Variants in GAB4 observed in about 807,000 individuals in gnomAD.
GAB4 encodes GRB2 associated binding protein family member 4.
Under a neutral mutation model 51.3 loss-of-function variants are expected in GAB4, and 26 were observed. The ratio of observed to expected loss-of-function variants is 0.51; its 90% CI spans 0.37 to 0.70. The LOEUF is 0.70. GAB4 is among the 30% of genes least tolerant of loss of function. The pLI is 0.00. For missense variants in GAB4, 759 were observed against 734.6 expected, an observed-to-expected ratio of 1.03 and a Z score of -0.38; for synonymous variants, 329 against 291.2, an observed-to-expected ratio of 1.13 and a Z score of -1.32.
intron 2 of GAB4, among the ~76,000 whole-genome samples, chr22:16,988,695 A>G (rs1193896354): frequency 6.6e-6 from 1 of 152,198 alleles, no homozygotes; most frequent in Non-Finnish European, 1.5e-5. Flanking sequence ...GCTGCACCCC[A>G]AGCCCAGCAC....
Position 17,008,106 on chromosome 22 carries a change from C to T in GAB4, c.9G>A (p.Leu3=), listed in dbSNP as rs2061059233. 2 of 1,603,178 alleles carry T rather than the reference C, an allele frequency of 1.2e-6. No homozygotes were observed. The highest frequency in any genetic ancestry group is 1.7e-6 in the Non-Finnish European group (2 of 1,174,354). ...GCTCCCGGGAGGGTGAGGGGGACGG[C>T]AGGGACATGGGGGCTGCAGCTCACA... The part of the protein sequence containing the change: MS[L]PSPSPSRELC... Residue 3 remains leucine, a synonymous_variant, in exon 1 of 10, where the codon CTG becomes CTA. Transcript: ENST00000400588.
At chr22:16,991,466 T>C (rs578000571) in intron 2 of GAB4, among the ~76,000 whole-genome samples, 1 of 152,326 alleles carries the variant, frequency 6.6e-6, no homozygotes, top group South Asian at 2.1e-4. Flanking sequence ...AGCATAAGTC[T>C]GTATTTGCTC....
chr22:16,993,816 T>C (rs2060931426), intron 1 of GAB4, among the ~76,000 whole-genome samples: 1 of 152,248 alleles, frequency 6.6e-6, no homozygotes, highest in South Asian at 2.1e-4. Flanking sequence ...TCTTTGTTTC[T>C]TATTCCATGA....
chr22:16,990,547 AC>A (rs142646253), intron 2 of GAB4, among the ~76,000 whole-genome samples: 1,587 of 152,002 alleles, frequency 0.01, 27 homozygotes, highest in African/African-American at 0.036. Flanking sequence ...CTGTCCTGTC[AC>A]CCCATGCATC....
At chr22:17,006,508 A>G (rs1222381290) in intron 1 of GAB4, among the ~76,000 whole-genome samples, 1 of 152,240 alleles carries the variant, frequency 6.6e-6, no homozygotes, top group Admixed American at 6.5e-5. Context: ...ATTACTGGGT[A>G]TATACCCAAA....
intron 6 of GAB4, among the ~76,000 whole-genome samples, chr22:16,965,797 GGT>G (rs1278894329): frequency 6.6e-6 from 1 of 152,188 alleles, no homozygotes; most frequent in East Asian, 1.9e-4. Flanking sequence ...AAGGCCACAG[GGT>G]GAGGTCATGG....
At chr22:16,976,674 C>A (rs769754372) in intron 3 of GAB4, among the ~76,000 whole-genome samples, 3 of 152,110 alleles carry the variant, frequency 2.0e-5, no homozygotes. Flanking sequence ...GAGAACACCA[C>A]CAAGATACTC....
At chr22:16,986,415 G>A (rs553727634) in intron 3 of GAB4, among the ~76,000 whole-genome samples, 36 of 152,340 alleles carry the variant, frequency 2.4e-4, no homozygotes, top group African/African-American at 7.5e-4. Flanking sequence ...ATGCAATAGA[G>A]GGAAAGGGGC....
chr22:16,967,394 C>T (rs1314779823), intron 5 of GAB4: 3 of 152,626 alleles, frequency 2.0e-5, no homozygotes, highest in South Asian at 2.1e-4. Flanking sequence ...CCTCGAGACC[C>T]ATCATCCACC....
At chr22:16,987,347 T>C (rs2060876562) in intron 3 of GAB4, among the ~76,000 whole-genome samples, 1 of 152,174 alleles carries the variant, frequency 6.6e-6, no homozygotes, top group Non-Finnish European at 1.5e-5. Flanking sequence ...GAGCCAGTGG[T>C]GTCAGAGAAG....
At chr22:16,963,258 G>A (rs1278962819) in intron 9 of GAB4, among the ~76,000 whole-genome samples, 1 of 152,178 alleles carries the variant, frequency 6.6e-6, no homozygotes, top group African/African-American at 2.4e-5. Flanking sequence ...GGGGCGCAAT[G>A]CACAGAGATG....
intron 1 of GAB4, among the ~76,000 whole-genome samples, chr22:17,001,259 G>A (rs1242339572): frequency 2.6e-5 from 4 of 152,150 alleles, no homozygotes; most frequent in Non-Finnish European, 4.4e-5. Context: ...CATTCTGCCC[G>A]TCACTTTCAG....
chr22:16,995,099 T>A (rs994341586), intron 1 of GAB4, among the ~76,000 whole-genome samples: 3 of 152,192 alleles, frequency 2.0e-5, no homozygotes, highest in Non-Finnish European at 4.4e-5. Context: ...GGTCATAAAG[T>A]GGCAGAGCAA....
At chr22:17,004,544 T>A (rs5748795) in intron 1 of GAB4, among the ~76,000 whole-genome samples, 52,760 of 151,934 alleles carry the variant, frequency 0.35, 9,517 homozygotes, top group South Asian at 0.46. Flanking sequence ...ATAAACGTAA[T>A]CCATCACACA....
intron 3 of GAB4, 40 bp from the exon 4 acceptor site, chr22:16,970,233 A>C: frequency 6.2e-7 from 1 of 1,608,794 alleles, no homozygotes; most frequent in Non-Finnish European, 8.5e-7. Flanking sequence ...GGGTGAGAGG[A>C]GGCCAGGACT....
At chr22:16,964,953 C>T in intron 7 of GAB4, 91 bp from the exon 8 acceptor site, 1 of 956,110 alleles carries the variant, frequency 1.0e-6, no homozygotes, top group Admixed American at 2.3e-5. Flanking sequence ...TGACTTCAAG[C>T]ATCCAGGCCT....
chr22:16,963,658 G>T, intron 9 of GAB4, 67 bp downstream of exon 9: 1 of 1,147,496 alleles, frequency 8.7e-7, no homozygotes, highest in Non-Finnish European at 1.3e-6. Context: ...GTGCTGAAGG[G>T]CCTGGCCCCA....
chr22:17,007,073 A>G (rs1313073591), intron 1 of GAB4, among the ~76,000 whole-genome samples: 1 of 152,218 alleles, frequency 6.6e-6, no homozygotes, highest in Non-Finnish European at 1.5e-5. Context: ...ACCTCAGGGA[A>G]GCAGAGGAAA....
At chr22:16,968,266 A>G (rs748104066) in intron 5 of GAB4, 32 bp downstream of exon 5, 1 of 1,512,078 alleles carries the variant, frequency 6.6e-7, no homozygotes. Flanking sequence ...TCCCTGAGCC[A>G]GTCTGGGGAC....
Sources: allele counts gnomAD v4.1 joint callset (sites outside exome capture counted in the v4.1 genomes callset), GRCh38; gene constraint gnomAD v4.1.1; transcripts MANE v1.5; gene names NCBI Gene and HGNC (gene_info 2026-07-23, HGNC 2026-07-21).